The following ZC3H7A variants were observed in gnomAD, a reference collection of about 807,000 sequenced individuals.
ZC3H7A encodes zinc finger CCCH domain-containing protein 7A.
Under a neutral mutation model 125.5 loss-of-function variants are expected in ZC3H7A, and 44 were observed. The observed-to-expected ratio is 0.35, with a 90% CI of 0.28 to 0.45. The LOEUF (loss-of-function observed/expected upper bound fraction) is 0.45, where lower values mean the gene tolerates loss of function less well. Among genes scored for constraint, ZC3H7A ranks in the 20% least tolerant of loss-of-function variants. The probability of loss-of-function intolerance (pLI) is 1.00; values close to 1 mark genes in which losing one functional copy is unlikely to be tolerated. For synonymous variants in ZC3H7A, 399 were observed against 391.2 expected (o/e 1.02, Z -0.23); for missense variants, 977 against 1,170.7 (o/e 0.83, Z 2.41).
chr16:11,788,838 T>A (rs1022101492), intron 1 of ZC3H7A, among the ~76,000 whole-genome samples: 1 of 152,108 alleles, frequency 6.6e-6, no homozygotes, highest in Admixed American at 6.6e-5. Flanking sequence ...GGTCTCGAAC[T>A]CCTGACCTCG....
chr16:11,756,960 G>T (rs1462340099), intron 20 of ZC3H7A, among the ~76,000 whole-genome samples: 1 of 149,798 alleles, frequency 6.7e-6, no homozygotes, highest in Non-Finnish European at 1.5e-5. Context: ...CCTATGGTAA[G>T]AACAGGTGTA....
chr16:11,758,067 G>C (rs2052683544), intron 20 of ZC3H7A, among the ~76,000 whole-genome samples: 1 of 152,100 alleles, frequency 6.6e-6, no homozygotes, highest in African/African-American at 2.4e-5. Context: ...TTCTAACCTG[G>C]TTAATTCAGA....
chr16:11,762,711 C>A lies in ZC3H7A; in HGVS notation c.2039G>T (p.Arg680Leu), dbSNP rs778450269. ...SHDAIAQESK[R>L]YWQNLEANVP... is the part of the protein sequence containing the mutation. Reference sequence around the variant, plus strand: ...ATTTGCTTCCAAATTCTGCCAATATCGTTTAGACTCTTGAGCAATAGCATC... The same window carrying A: ...ATTTGCTTCCAAATTCTGCCAATATAGTTTAGACTCTTGAGCAATAGCATC... Residue 680 changes from arginine (R) to leucine (L), a missense_variant, in exon 17 of 23, where the codon CGA becomes CTA. Arg to Leu is a moderately radical substitution (Grantham distance 102). Coordinates refer to ENST00000355758, the MANE Select transcript of ZC3H7A (RefSeq NM_014153.4). 1 of 1,613,882 alleles carries A rather than the reference C, an allele frequency of 6.2e-7. No individual in the cohort carries two copies. The highest frequency in any genetic ancestry group is 8.5e-7 in the Non-Finnish European group (1 of 1,179,984).
chr16:11,755,609 A>C lies in ZC3H7A; in HGVS notation c.2562+628T>G, dbSNP rs566762619. ...GCCTCCCACTAGGGAAGAGTCACAG[A>C]CTCCTCATACTTCACTAATCCATCA... On this transcript the variant is annotated intron_variant, in intron 21 of 22. Transcript: ENST00000355758. 1.9e-4 allele frequency among the ~76,000 whole-genome samples: 29 copies of C among 152,052 alleles called. No individual in the cohort carries two copies. In the South Asian group the frequency reaches 6.0e-3, roughly 32 times the overall value.
chr16:11,780,144 C>T (rs1289964964), intron 3 of ZC3H7A, among the ~76,000 whole-genome samples: 1 of 144,454 alleles, frequency 6.9e-6, no homozygotes, highest in East Asian at 2.0e-4. Flanking sequence ...TTTTTTGAGA[C>T]AGAGTCTTAC....
chr16:11,756,435 T>G, intron 20 of ZC3H7A, 65 bp from the exon 21 acceptor site: 1 of 1,574,732 alleles, frequency 6.4e-7, no homozygotes, highest in Non-Finnish European at 8.6e-7. Flanking sequence ...TGCAACTATG[T>G]GCATATTTTG....
At position 11,765,143 on chromosome 16, in the gene ZC3H7A, T is replaced by A. The variant is rs2052832577; in HGVS notation, c.1730A>T (p.Asp577Val). The change falls in exon 15 of 23, where the codon GAT (aspartate) becomes GTT (valine). Residue 577 changes from aspartate (D) to valine (V), a missense_variant. By Grantham distance (152) the Asp-to-Val change is radical. Around this residue, in one of 3 missense-constraint regions of ZC3H7A, gnomAD observed 436 missense variants for 603.2 expected, o/e 0.72. Coordinates refer to ENST00000355758, the MANE Select transcript of ZC3H7A (RefSeq NM_014153.4). The surrounding 1 kb of genome is among the most constrained non-coding windows in gnomAD (Gnocchi z 4.8). ...EFIFLCEKCF[D>V]HKPRMISKRN... is the part of the protein sequence containing the mutation. ...TTTACTTATCATTCTAGGCTTATGA[T>A]CAAAACATTTCTGGAATAGAGAGAG... 1 of 1,537,464 alleles carries A rather than the reference T, an allele frequency of 6.5e-7. No homozygotes were observed. The highest frequency in any genetic ancestry group is 8.8e-7 in the Non-Finnish European group (1 of 1,138,682).
At position 11,776,875 on chromosome 16, in the gene ZC3H7A, A is replaced by C. The variant is rs376027051; in HGVS notation, c.341T>G (p.Ile114Arg). The C allele has an allele frequency of 6.2e-7, 1 of 1,609,022 alleles. No homozygotes were observed. Among genetic ancestry groups the C allele is most frequent in the South Asian group, 1.1e-5 (1 of 89,846 alleles). ...GTTACTGGCATTTAAACTGAGGACT[A>C]TATTGCAGTCCTCCAAAACTTTATC... ...FHDKVLEDCN[I>R]VLSLNASNCK... is the part of the protein sequence containing the mutation. The change falls in exon 5 of 23, where the codon ATA becomes AGA. Residue 114 changes from isoleucine to arginine, a missense_variant. By Grantham distance (97) the Ile-to-Arg change is moderately conservative (BLOSUM62 -3). This residue lies in a region of ZC3H7A where 199 missense variants were observed against 256.1 expected (regional missense o/e 0.78). Coordinates refer to ENST00000355758, the MANE Select transcript of ZC3H7A (RefSeq NM_014153.4).
rs1461199591 is a variant in ZC3H7A at position 11,765,963 on chromosome 16, C to T, written c.1523-278G>A. On this transcript the variant is annotated intron_variant, in intron 13 of 22. Coordinates refer to ENST00000355758, the MANE Select transcript of ZC3H7A (RefSeq NM_014153.4). The surrounding 1 kb of genome is among the most constrained non-coding windows in gnomAD (Gnocchi z 4.8). The stretch of plus-strand genomic sequence containing the variant: ...AACTTGTCTAACAATTCATGGACAG[C>T]CTCAAACAATGATATGCATATTATC... Among the ~76,000 whole-genome samples the T allele has an allele frequency of 6.6e-6, 1 of 152,066 alleles. No individual in the cohort carries two copies. The highest frequency in any genetic ancestry group is 1.5e-5 in the Non-Finnish European group (1 of 68,008).
chr16:11,796,153 A>G (rs2053433130), intron 1 of ZC3H7A: 1 of 152,248 alleles, frequency 6.6e-6, no homozygotes, highest in Admixed American at 6.5e-5. Context: ...TTAATGATCT[A>G]TTTTCGTTAA....
rs748122731 is a variant in ZC3H7A at position 11,775,019 on chromosome 16, A to C, written c.586-6T>G. On this transcript the variant is annotated splice_polypyrimidine_tract_variant and splice_region_variant and intron_variant, in intron 7 of 22. Transcript: ENST00000355758. ...TCCACAGAATGGTTCAAAGCCTAGAAATTAAACCAAACAATGGGTTATAAT... is the reference window on the plus strand; with the variant it reads ...TCCACAGAATGGTTCAAAGCCTAGACATTAAACCAAACAATGGGTTATAAT... 3.7e-6 allele frequency: 6 copies of C among 1,613,950 alleles called. No homozygotes were observed. The East Asian group carries it at 1.1e-4, about 30-fold the overall frequency.
intron 21 of ZC3H7A, 49 bp from the exon 22 acceptor site, chr16:11,752,881 C>T: frequency 6.3e-7 from 1 of 1,578,614 alleles, no homozygotes; most frequent in Non-Finnish European, 8.6e-7. Context: ...GATGTGAGAT[C>T]CAGACTCAAT....
intron 8 of ZC3H7A, among the ~76,000 whole-genome samples, 175 bp from the exon 9 acceptor site, chr16:11,774,694 C>A (rs2053050026): frequency 6.6e-6 from 1 of 152,176 alleles, no homozygotes; most frequent in South Asian, 2.1e-4. Context: ...GAAAACTTAT[C>A]CTTCTTTCAC....
intron 20 of ZC3H7A, among the ~76,000 whole-genome samples, chr16:11,757,031 T>C (rs1597534142): frequency 6.6e-6 from 1 of 152,310 alleles, no homozygotes; most frequent in East Asian, 1.9e-4. Flanking sequence ...GTTGACATTC[T>C]GGCTAGAGAA....
At chr16:11,796,954 T>C (rs1428066468) in intron 1 of ZC3H7A, 170 bp downstream of exon 1, 1 of 148,494 alleles carries the variant, frequency 6.7e-6, no homozygotes, top group African/African-American at 2.5e-5. Flanking sequence ...GCCCGGCTCC[T>C]CTCAGGGTCC....
chr16:11,759,218 C>G (rs1344359600), intron 19 of ZC3H7A: 1 of 152,204 alleles, frequency 6.6e-6, no homozygotes, highest in Non-Finnish European at 1.5e-5. Context: ...AGCCAGGAAC[C>G]AAGAAAACCT....
rs765419251 is a variant in ZC3H7A at position 11,760,305 on chromosome 16, T to C, written c.2319+1101A>G. ...CCAGGGTTGTTCTCAGTTGTACTCA[T>C]TTTATCAAAGTACTTGATATACATA... On this transcript the variant is annotated intron_variant, in intron 19 of 22. Transcript: ENST00000355758. Among the ~76,000 whole-genome samples, 9 of 152,258 alleles carry C rather than the reference T, an allele frequency of 5.9e-5. No individual in the cohort carries two copies. The Middle Eastern group carries it at 0.01, about 174-fold the overall frequency.
At chr16:11,757,343 G>C (rs1207970806) in intron 20 of ZC3H7A, among the ~76,000 whole-genome samples, 1 of 151,964 alleles carries the variant, frequency 6.6e-6, no homozygotes, top group East Asian at 1.9e-4. Context: ...AATTAGCCGG[G>C]TGTGGTGGCA....
chr16:11,774,160 G>C (rs2053039287), intron 9 of ZC3H7A, 76 bp downstream of exon 9: 2 of 1,372,876 alleles, frequency 1.5e-6, no homozygotes, highest in African/African-American at 2.9e-5. Context: ...TACTGAAAAA[G>C]TCTATCAAGT....
Sources: allele counts gnomAD v4.1 joint callset (sites outside exome capture counted in the v4.1 genomes callset), GRCh38; gene constraint gnomAD v4.1.1; regional missense constraint gnomAD v4.1.1; non-coding constraint Gnocchi (gnomAD v3.1); transcripts MANE v1.5; gene names NCBI Gene and HGNC (gene_info 2026-07-23, HGNC 2026-07-21).